The following UGP2 variants were observed in gnomAD, a reference collection of about 807,000 sequenced individuals.
UGP2 encodes UDP-glucose pyrophosphorylase 2, also known as UTP--glucose-1-phosphate uridylyltransferase.
A neutral mutation model predicts 49.0 loss-of-function variants in UGP2; 40 were observed. That is an observed-to-expected ratio of 0.82 (90% confidence interval 0.63 to 1.06). The LOEUF is 1.06. UGP2 is among the 50% of genes least tolerant of loss of function. The pLI is 0.00. For missense variants in UGP2, 460 were observed against 603.5 expected, an observed-to-expected ratio of 0.76 and a Z score of 2.49; for synonymous variants, 225 against 213.0, an observed-to-expected ratio of 1.06 and a Z score of -0.49.
At chr2:63,877,058 A>G (rs1452618518) in intron 3 of UGP2, among the ~76,000 whole-genome samples, 2 of 152,252 alleles carry the variant, frequency 1.3e-5, no homozygotes, top group African/African-American at 4.8e-5. Context: ...TAACAAAGAA[A>G]TTGCAGTTGT....
At chr2:63,862,047 GA>G (rs1391607008) in intron 3 of UGP2, among the ~76,000 whole-genome samples, 3 of 151,712 alleles carry the variant, frequency 2.0e-5, no homozygotes, top group Non-Finnish European at 2.9e-5. Context: ...CACATTAAAA[GA>G]AAAAAATCTT....
At position 63,885,572 on chromosome 2, in the gene UGP2, C is replaced by CTTT; in HGVS notation, c.576-7_576-5dup. ...CTACAGGGTCAATATTGAAAAAGAA[C>CTTT]TTTTTTTTTTTTAAAGGTACCCGAG... On this transcript the variant is annotated splice_polypyrimidine_tract_variant and intron_variant, in intron 5 of 9. Coordinates refer to ENST00000337130, the MANE Select transcript of UGP2 (RefSeq NM_006759.4). 2 of 1,102,300 alleles carry CTTT rather than the reference C, an allele frequency of 1.8e-6. No individual in the cohort carries two copies. The highest frequency in any genetic ancestry group is 1.8e-5 in the South Asian group (1 of 55,570). 68.3% of individuals were successfully genotyped at this position (1,102,300 alleles called of 1,614,324 possible). A position where few individuals can be genotyped will look rare whatever the true frequency, so the allele number is the denominator to read the frequency against.
chr2:63,868,675 T>C (rs957088833), intron 3 of UGP2, among the ~76,000 whole-genome samples: 11 of 152,046 alleles, frequency 7.2e-5, no homozygotes, highest in Non-Finnish European at 1.3e-4. Context: ...TTAAAAAGAG[T>C]ATATCAGGCT....
In UGP2 at chr2:63,841,987, G is replaced by A; in HGVS notation, c.-199G>A. 1 of 597,286 alleles carries A rather than the reference G, an allele frequency of 1.7e-6. No individual in the cohort carries two copies. Among genetic ancestry groups the A allele is most frequent in the Admixed American group, 3.8e-5 (1 of 26,080 alleles). The allele number at this position is 597,286 out of a possible 1,614,324, so 37.0% of individuals were successfully genotyped here. ...CAAGTTTCCGTCTTTTGGAATTGGG[G>A]AAGGAGTTTCTTTCTTTCTTTTCTT... On this transcript the variant is annotated 5_prime_UTR_variant, in exon 1 of 10. Transcript: ENST00000337130.
chr2:63,880,951 T>C (rs531117880), intron 3 of UGP2, among the ~76,000 whole-genome samples: 13 of 152,218 alleles, frequency 8.5e-5, no homozygotes, highest in Non-Finnish European at 1.5e-4. Context: ...TTCATGAATA[T>C]GAATGGCTTT....
intron 3 of UGP2, among the ~76,000 whole-genome samples, chr2:63,865,471 C>G (rs946581441): frequency 2.0e-5 from 3 of 151,126 alleles, no homozygotes; most frequent in South Asian, 2.1e-4. Context: ...ATTTCACTAA[C>G]AGGCTTCTAC....
intron 3 of UGP2, among the ~76,000 whole-genome samples, chr2:63,868,461 G>C (rs925691958): frequency 1.3e-5 from 2 of 152,326 alleles, no homozygotes; most frequent in East Asian, 3.9e-4. Flanking sequence ...GTTCACGGTA[G>C]TGTGAGCATA....
At chr2:63,887,252 A>C in intron 7 of UGP2, 150 bp from the exon 8 acceptor site, 1 of 1,061,868 alleles carries the variant, frequency 9.4e-7, no homozygotes, top group Non-Finnish European at 1.3e-6. Flanking sequence ...GTGACAGATC[A>C]AGACTCCTTC....
chr2:63,871,171 CTG>C (rs1374523671), intron 3 of UGP2, among the ~76,000 whole-genome samples: 3 of 152,142 alleles, frequency 2.0e-5, no homozygotes, highest in African/African-American at 4.8e-5. Flanking sequence ...AACTGAGACT[CTG>C]TAGCATTAAA....
intron 9 of UGP2, 95 bp from the exon 10 acceptor site, chr2:63,891,024 TA>T (rs368306965): frequency 0.15 from 114,884 of 791,714 alleles, 1,305 homozygotes; most frequent in African/African-American, 0.23. Flanking sequence ...TACTTCACTG[TA>T]AAAAAAAAAA....
chr2:63,856,618 C>T (rs764104837), intron 2 of UGP2, 185 bp downstream of exon 2: 13 of 643,206 alleles, frequency 2.0e-5, no homozygotes, highest in Non-Finnish European at 2.9e-5. Context: ...CTTTGTAAAT[C>T]CATTATCTTT....
intron 8 of UGP2, chr2:63,887,890 CTTCCAAGACCAGT>C: frequency 2.1e-6 from 1 of 473,122 alleles, no homozygotes; most frequent in South Asian, 2.5e-5. Flanking sequence ...TCTTCTGTCT[CTTCCAAGACCAGT>C]ACTGCTTTCA....
Position 63,857,591 on chromosome 2 carries a change from C to T in UGP2, c.148-238C>T, listed in dbSNP as rs1222554384. On this transcript the variant is annotated intron_variant, in intron 2 of 9. Coordinates refer to ENST00000337130, the MANE Select transcript of UGP2 (RefSeq NM_006759.4). ...TATTGCCGAGGCTGGTCTCAAACTC[C>T]TGAGCTCAAACGATCAGCTGGCCTG... 5.5e-6 allele frequency: 3 copies of T among 545,820 alleles called. No individual in the cohort carries two copies. The African/African-American group carries it at 5.6e-5, about 10-fold the overall frequency. 33.8% of individuals were successfully genotyped at this position (545,820 alleles called of 1,614,324 possible).
chr2:63,872,405 A>G (rs532266669), intron 3 of UGP2, among the ~76,000 whole-genome samples: 1 of 152,344 alleles, frequency 6.6e-6, no homozygotes, highest in East Asian at 1.9e-4. Context: ...TAGTAATAAT[A>G]TCAGCCAACA....
chr2:63,849,299 C>G (rs574802017), intron 1 of UGP2, among the ~76,000 whole-genome samples: 3 of 152,156 alleles, frequency 2.0e-5, no homozygotes, highest in Admixed American at 2.0e-4. Flanking sequence ...TCCTTGGCCA[C>G]AATGAAAATG....
At chr2:63,842,482 A>T (rs1020006865) in intron 1 of UGP2, 3 of 1,537,994 alleles carry the variant, frequency 2.0e-6, no homozygotes, top group Non-Finnish European at 2.6e-6. Flanking sequence ...GTAAGTGATA[A>T]AACAGGATTT....
intron 1 of UGP2, among the ~76,000 whole-genome samples, chr2:63,848,403 G>T (rs1161593412): frequency 6.6e-6 from 1 of 152,094 alleles, no homozygotes; most frequent in Admixed American, 6.5e-5. Context: ...TTGCTCTGTT[G>T]CCCAGGCTGG....
rs72891033 is a variant in UGP2 at position 63,868,584 on chromosome 2, A to G, written c.255+10648A>G. 5.1e-3 allele frequency among the ~76,000 whole-genome samples: 784 copies of G among 152,296 alleles called. 11 individuals are homozygous for G. The highest frequency in any genetic ancestry group is 0.018 in the African/African-American group (738 of 41,540). On this transcript the variant is annotated intron_variant, in intron 3 of 9. Coordinates refer to ENST00000337130, the MANE Select transcript of UGP2 (RefSeq NM_006759.4). ...AAAACTTTGCATTTCTGAATTTTCT[A>G]AGAATAAATGTTCAGAAATGGTGTT...
At chr2:63,861,078 G>A (rs1669807344) in intron 3 of UGP2, among the ~76,000 whole-genome samples, 1 of 151,804 alleles carries the variant, frequency 6.6e-6, no homozygotes, top group South Asian at 2.1e-4. Context: ...ATAGCGTTAT[G>A]GATAATGCTC....
Sources: allele counts gnomAD v4.1 joint callset (sites outside exome capture counted in the v4.1 genomes callset), GRCh38; gene constraint gnomAD v4.1.1; transcripts MANE v1.5; gene names NCBI Gene and HGNC (gene_info 2026-07-23, HGNC 2026-07-21).